Variants in UNC80 observed in about 807,000 individuals in gnomAD.
The protein encoded by UNC80 is unc-80 subunit of NALCN channel complex.
Under a neutral mutation model 384.6 loss-of-function variants are expected in UNC80, and 164 were observed. The observed-to-expected ratio is 0.43, with a 90% CI of 0.38 to 0.49. UNC80 has a LOEUF of 0.49. Ranked by LOEUF, UNC80 falls within the 20% of genes least tolerant of loss-of-function variation. The probability of loss-of-function intolerance (pLI) is 0.00; values close to 1 mark genes in which losing one functional copy is unlikely to be tolerated. For missense variants in UNC80, 3,330 were observed against 4,143.0 expected, an observed-to-expected ratio of 0.80 and a Z score of 5.39; for synonymous variants, 1,486 against 1,527.8, an observed-to-expected ratio of 0.97 and a Z score of 0.64.
At chr2:209,889,719 C>G (rs1460975703) in intron 26 of UNC80, among the ~76,000 whole-genome samples, 1 of 152,176 alleles carries the variant, frequency 6.6e-6, no homozygotes, top group African/African-American at 2.4e-5. Flanking sequence ...TCAACTCCCA[C>G]TTATGAGTGA....
intron 64 of UNC80, 82 bp downstream of exon 64, chr2:209,994,346 A>G: frequency 3.1e-6 from 4 of 1,289,716 alleles, no homozygotes; most frequent in Non-Finnish European, 4.2e-6. Context: ...CATTTATTCC[A>G]TATAATTAAG....
chr2:209,883,426 CTTTTTTT>C (rs35807077), intron 25 of UNC80, among the ~76,000 whole-genome samples: 2 of 100,548 alleles, frequency 2.0e-5, no homozygotes, highest in African/African-American at 7.2e-5. Flanking sequence ...CCATTCCACT[CTTTTTTT>C]TTTTTTTTTT....
intron 43 of UNC80, 45 bp downstream of exon 43, chr2:209,939,697 C>T: frequency 1.4e-6 from 2 of 1,456,162 alleles, no homozygotes; most frequent in Non-Finnish European, 1.8e-6. Context: ...TTTTCTAACA[C>T]ACTTGTTGTT....
Position 209,777,255 on chromosome 2 carries a change from C to A in UNC80, c.299-3C>A. On this transcript the variant is annotated splice_polypyrimidine_tract_variant and splice_region_variant and intron_variant, in intron 3 of 64. Coordinates refer to ENST00000673920, the MANE Select transcript of UNC80 (RefSeq NM_001371986.1). ...AACCTGCCTGTGTAATTGTCCCATGCAGGCCACCAGGATAAATTGGGTGTT... is the reference window on the plus strand; with the variant it reads ...AACCTGCCTGTGTAATTGTCCCATGAAGGCCACCAGGATAAATTGGGTGTT... The A allele has an allele frequency of 6.3e-7, 1 of 1,578,962 alleles. No homozygotes were observed. The highest frequency in any genetic ancestry group is 1.9e-5 in the Admixed American group (1 of 53,904).
At chr2:209,778,506 C>G (rs1251634594) in intron 4 of UNC80, among the ~76,000 whole-genome samples, 1 of 152,108 alleles carries the variant, frequency 6.6e-6, no homozygotes, top group African/African-American at 2.4e-5. Flanking sequence ...GCTTAAAATA[C>G]AAAACATAGG....
chr2:209,856,399 TTTC>T (rs2082922009), intron 22 of UNC80, among the ~76,000 whole-genome samples: 2 of 152,144 alleles, frequency 1.3e-5, no homozygotes, highest in African/African-American at 4.8e-5. Flanking sequence ...TTCAGCTTGT[TTTC>T]TTCTTCAATT....
chr2:209,993,683 A>T (rs937732497), intron 63 of UNC80, among the ~76,000 whole-genome samples: 1 of 152,156 alleles, frequency 6.6e-6, no homozygotes, highest in Non-Finnish European at 1.5e-5. Context: ...ATTTGACTAT[A>T]AAAGGATGTG....
intron 26 of UNC80, among the ~76,000 whole-genome samples, chr2:209,890,861 C>A (rs992879483): frequency 3.3e-5 from 5 of 152,104 alleles, no homozygotes; most frequent in Non-Finnish European, 7.4e-5. Context: ...CATAGAAAAT[C>A]CTAATTATGA....
chr2:209,832,707 A>G (rs1445791891), intron 16 of UNC80, among the ~76,000 whole-genome samples: 1 of 152,210 alleles, frequency 6.6e-6, no homozygotes, highest in African/African-American at 2.4e-5. Context: ...TAGCAAAAGT[A>G]ATTTAACAGG....
At chr2:209,929,208 A>G (rs2090658951) in intron 36 of UNC80, among the ~76,000 whole-genome samples, 1 of 152,224 alleles carries the variant, frequency 6.6e-6, no homozygotes, top group Non-Finnish European at 1.5e-5. Context: ...CGTTGAAACT[A>G]AAGACCATTC....
intron 22 of UNC80, among the ~76,000 whole-genome samples, chr2:209,867,150 C>T (rs1439189116): frequency 6.6e-6 from 1 of 152,164 alleles, no homozygotes; most frequent in Non-Finnish European, 1.5e-5. Context: ...TAGTGTTTTT[C>T]AGTGGACCAG....
chr2:209,809,384 G>A (rs1461503858), intron 7 of UNC80: 3 of 1,093,528 alleles, frequency 2.7e-6, no homozygotes, highest in East Asian at 2.4e-5. Flanking sequence ...GGCCATGTCC[G>A]GACCCACACT....
intron 43 of UNC80, among the ~76,000 whole-genome samples, chr2:209,940,954 C>T (rs1047507286): frequency 2.0e-5 from 3 of 152,212 alleles, no homozygotes; most frequent in African/African-American, 7.2e-5. Flanking sequence ...TTTTCTCCAA[C>T]AGATGTTTAT....
chr2:209,882,143 T>C (rs1486918943), intron 25 of UNC80, among the ~76,000 whole-genome samples: 1 of 151,988 alleles, frequency 6.6e-6, no homozygotes, highest in Non-Finnish European at 1.5e-5. Flanking sequence ...ATTTTTTGTA[T>C]TTTCAGTAGA....
At chr2:209,878,875 C>T (rs986842494) in intron 24 of UNC80, among the ~76,000 whole-genome samples, 2 of 152,256 alleles carry the variant, frequency 1.3e-5, no homozygotes, top group East Asian at 1.9e-4. Flanking sequence ...AATTCAAGCT[C>T]CCTGACTACA....
At chr2:209,847,434 G>A (rs921620089) in intron 21 of UNC80, among the ~76,000 whole-genome samples, 4 of 151,796 alleles carry the variant, frequency 2.6e-5, no homozygotes, top group African/African-American at 9.7e-5. Context: ...AATGGAAAAT[G>A]TCCATTATAA....
chr2:209,879,012 C>G (rs969555040), intron 24 of UNC80, among the ~76,000 whole-genome samples: 1 of 151,578 alleles, frequency 6.6e-6, no homozygotes, highest in African/African-American at 2.4e-5. Context: ...CTCTTATGAT[C>G]TTCCTTTCCA....
chr2:209,995,195 C>G (rs1352533227), intron 64 of UNC80, 134 bp from the exon 65 acceptor site: 1 of 1,183,920 alleles, frequency 8.4e-7, no homozygotes, highest in East Asian at 2.6e-5. Flanking sequence ...TAAGGTCCTA[C>G]CTATAACAAA....
At chr2:209,784,900 C>T (rs746368368) in intron 4 of UNC80, among the ~76,000 whole-genome samples, 1 of 152,202 alleles carries the variant, frequency 6.6e-6, no homozygotes, top group Non-Finnish European at 1.5e-5. Context: ...AACCATGTGG[C>T]TCTGTTGCCA....
Sources: gnomAD v4.1 joint callset for allele counts (sites outside exome capture counted in the v4.1 genomes callset) on GRCh38, gnomAD v4.1.1 for gene constraint, MANE v1.5 for transcripts, NCBI Gene and HGNC (gene_info 2026-07-23, HGNC 2026-07-21) for gene names.